Variants in CDKAL1 observed in about 807,000 individuals in gnomAD.
CDKAL1 encodes CDKAL1 threonylcarbamoyladenosine tRNA methylthiotransferase.
A neutral mutation model predicts 68.2 loss-of-function variants in CDKAL1; 32 were observed. The ratio of observed to expected loss-of-function variants is 0.47; its 90% CI spans 0.35 to 0.63. CDKAL1 has a LOEUF of 0.63. CDKAL1 is among the 30% of genes least tolerant of loss of function. The pLI is 0.00. For missense variants in CDKAL1, 606 were observed against 696.7 expected, an observed-to-expected ratio of 0.87 and a Z score of 1.47; for synonymous variants, 234 against 244.3, an observed-to-expected ratio of 0.96 and a Z score of 0.39.
At chr6:21,185,576 A>T (rs1161505159) in intron 13 of CDKAL1, among the ~76,000 whole-genome samples, 1 of 152,186 alleles carries the variant, frequency 6.6e-6, no homozygotes, top group East Asian at 1.9e-4. Context: ...GGAAATAGGG[A>T]GCGAGGATAG....
intron 4 of CDKAL1, among the ~76,000 whole-genome samples, chr6:20,598,886 C>A (rs1459386154): frequency 6.6e-6 from 1 of 151,862 alleles, no homozygotes; most frequent in East Asian, 1.9e-4. Flanking sequence ...TATAAAATAT[C>A]TTTAATGCTT....
At chr6:20,960,891 G>A (rs527905341) in intron 10 of CDKAL1, among the ~76,000 whole-genome samples, 1 of 152,330 alleles carries the variant, frequency 6.6e-6, no homozygotes, top group South Asian at 2.1e-4. Flanking sequence ...GGGCTGTCTA[G>A]AACAAATGAG....
intron 8 of CDKAL1, among the ~76,000 whole-genome samples, chr6:20,782,536 C>G (rs575781950): frequency 2.0e-5 from 3 of 152,208 alleles, no homozygotes; most frequent in Admixed American, 1.3e-4. Context: ...TTTCCCGCAA[C>G]TCCTGATTAT....
At chr6:21,161,022 C>T (rs1267029218) in intron 13 of CDKAL1, among the ~76,000 whole-genome samples, 1 of 151,988 alleles carries the variant, frequency 6.6e-6, no homozygotes, top group African/African-American at 2.4e-5. Flanking sequence ...AATGGTAATA[C>T]AGGAAGCCCC....
intron 9 of CDKAL1, among the ~76,000 whole-genome samples, chr6:20,892,368 A>G (rs997115047): frequency 6.6e-6 from 1 of 152,234 alleles, no homozygotes; most frequent in African/African-American, 2.4e-5. Flanking sequence ...GACAATTATA[A>G]GACAAGTACA....
At chr6:21,105,918 C>T (rs962811687) in intron 12 of CDKAL1, among the ~76,000 whole-genome samples, 6 of 152,154 alleles carry the variant, frequency 3.9e-5, no homozygotes, top group Non-Finnish European at 8.8e-5. Flanking sequence ...ACATTGATTA[C>T]CTCTGTAAAT....
chr6:20,906,179 G>T (rs1489682462), intron 9 of CDKAL1, among the ~76,000 whole-genome samples: 1 of 149,788 alleles, frequency 6.7e-6, no homozygotes, highest in African/African-American at 2.4e-5. Flanking sequence ...TTATAACTTT[G>T]GTTTGTAACT....
At chr6:20,923,224 A>C (rs1042285705) in intron 9 of CDKAL1, among the ~76,000 whole-genome samples, 14 of 152,108 alleles carry the variant, frequency 9.2e-5, no homozygotes, top group Admixed American at 2.0e-4. Context: ...CCCAGCCTAC[A>C]TATAACTCTT....
chr6:20,790,347 G>T (rs147472783), intron 8 of CDKAL1, among the ~76,000 whole-genome samples: 127 of 152,154 alleles, frequency 8.3e-4, no homozygotes, highest in Non-Finnish European at 1.6e-3. Flanking sequence ...TTAAGCACTG[G>T]TGGGGTGGGG....
chr6:20,799,984 T>G (rs1230840137), intron 8 of CDKAL1, among the ~76,000 whole-genome samples: 1 of 152,242 alleles, frequency 6.6e-6, no homozygotes, highest in Admixed American at 6.5e-5. Flanking sequence ...ATATTTACCA[T>G]TGAATCATCT....
At chr6:21,184,813 C>A (rs115194928) in intron 13 of CDKAL1, among the ~76,000 whole-genome samples, 2,298 of 145,178 alleles carry the variant, frequency 0.016, 65 homozygotes, top group African/African-American at 0.056. Flanking sequence ...TGCACTACCA[C>A]GTGCAGCTAA....
intron 6 of CDKAL1, 116 bp downstream of exon 6, chr6:20,739,731 T>C (rs895437952): frequency 4.3e-5 from 23 of 536,288 alleles, no homozygotes; most frequent in Middle Eastern, 2.8e-4. Context: ...CTTATGGCTG[T>C]CCTAAACATA....
chr6:20,875,205 A>G (rs963213803), intron 9 of CDKAL1, among the ~76,000 whole-genome samples: 1 of 148,818 alleles, frequency 6.7e-6, no homozygotes, highest in African/African-American at 2.5e-5. Context: ...AGGCTGAGGC[A>G]GGAGAATGGC....
intron 13 of CDKAL1, among the ~76,000 whole-genome samples, chr6:21,167,896 A>G (rs1206592649): frequency 6.6e-6 from 1 of 152,216 alleles, no homozygotes; most frequent in African/African-American, 2.4e-5. Context: ...CATTCCGCAG[A>G]TGTCTTCAGA....
intron 6 of CDKAL1, among the ~76,000 whole-genome samples, chr6:20,748,197 C>G (rs573168284): frequency 2.0e-5 from 3 of 152,212 alleles, no homozygotes; most frequent in South Asian, 4.2e-4. Flanking sequence ...AAATTACAGT[C>G]TAAAGCCATT....
chr6:20,954,857 A>G, intron 9 of CDKAL1, among the ~76,000 whole-genome samples: 1 of 152,228 alleles, frequency 6.6e-6, no homozygotes, highest in East Asian at 1.9e-4. Flanking sequence ...GCAGCAACCA[A>G]CTTTTTTGAA....
intron 4 of CDKAL1, among the ~76,000 whole-genome samples, chr6:20,623,304 A>T (rs1767280387): frequency 6.6e-6 from 1 of 152,088 alleles, no homozygotes; most frequent in African/African-American, 2.4e-5. Context: ...AATCAGTATA[A>T]AAGCCAACTT....
At chr6:20,560,546 T>C (rs188391634) in intron 4 of CDKAL1, among the ~76,000 whole-genome samples, 3 of 152,364 alleles carry the variant, frequency 2.0e-5, no homozygotes, top group East Asian at 1.9e-4. Flanking sequence ...TAATACTACA[T>C]TGCTTTCATA....
intron 11 of CDKAL1, among the ~76,000 whole-genome samples, chr6:21,049,403 AT>A (rs1582096323): frequency 6.6e-6 from 1 of 152,340 alleles, no homozygotes; most frequent in East Asian, 1.9e-4. Context: ...AGAAAAACTC[AT>A]ATAAGAATTG....
Sources: gnomAD v4.1 joint callset for allele counts (sites outside exome capture counted in the v4.1 genomes callset) on GRCh38, gnomAD v4.1.1 for gene constraint, MANE v1.5 for transcripts, NCBI Gene and HGNC (gene_info 2026-07-23, HGNC 2026-07-21) for gene names.